Variants in LANCL2 observed in about 807,000 individuals in gnomAD.
The protein encoded by LANCL2 is lanC-like protein 2.
LANCL2 carries 33 observed loss-of-function variants against 56.9 expected under a neutral mutation model. That is an observed-to-expected ratio of 0.58 (90% CI 0.44 to 0.78). The LOEUF is 0.78. Ranked by LOEUF, LANCL2 falls within the 30% of genes least tolerant of loss-of-function variation. LANCL2 has a pLI of 0.00. For synonymous variants in LANCL2, 233 were observed against 228.2 expected (o/e 1.02, Z -0.19); for missense variants, 562 against 580.2 (o/e 0.97, Z 0.32).
intron 5 of LANCL2, among the ~76,000 whole-genome samples, chr7:55,407,705 A>G (rs901194680): frequency 2.0e-5 from 3 of 152,238 alleles, no homozygotes; most frequent in Admixed American, 2.0e-4. Flanking sequence ...CTCTGCTTTC[A>G]GACTCCAGCT....
chr7:55,427,656 G>A (rs946308841), intron 7 of LANCL2, among the ~76,000 whole-genome samples: 7 of 152,226 alleles, frequency 4.6e-5, no homozygotes, highest in African/African-American at 1.7e-4. Flanking sequence ...AGCAGATTGG[G>A]AGGGGAAAAG....
chr7:55,373,859 G>A (rs112376028), intron 1 of LANCL2, among the ~76,000 whole-genome samples: 60 of 152,332 alleles, frequency 3.9e-4, no homozygotes, highest in African/African-American at 1.4e-3. Context: ...TGGGTGAGGA[G>A]TGTGCTTTGT....
intron 7 of LANCL2, among the ~76,000 whole-genome samples, chr7:55,426,357 G>A (rs911985249): frequency 5.3e-5 from 8 of 152,230 alleles, no homozygotes; most frequent in Admixed American, 4.6e-4. Flanking sequence ...TTTTTATTAT[G>A]TACACATTTC....
rs1789852821 is a variant in LANCL2 at position 55,365,809 on chromosome 7, G to C, written c.-217G>C. 2.3e-6 allele frequency: 1 copy of C among 435,458 alleles called. No individual in the cohort carries two copies. The highest frequency in any genetic ancestry group is 4.1e-6 in the Non-Finnish European group (1 of 245,774). 27.0% of individuals were successfully genotyped at this position (435,458 alleles called of 1,614,324 possible). On this transcript the variant is annotated 5_prime_UTR_variant, in exon 1 of 9. Transcript: ENST00000254770. Reference sequence around the variant, plus strand: ...GGGCAAAGGCGCCAGGAACAGGGCAGAGGCACAGCGCCCACCGCCTCTGCG... The same window carrying C: ...GGGCAAAGGCGCCAGGAACAGGGCACAGGCACAGCGCCCACCGCCTCTGCG...
intron 1 of LANCL2, among the ~76,000 whole-genome samples, chr7:55,387,223 C>T (rs1790135326): frequency 6.6e-6 from 1 of 152,096 alleles, no homozygotes; most frequent in Non-Finnish European, 1.5e-5. Context: ...CAGGGGAACA[C>T]ATGACTCATA....
At chr7:55,415,040 A>T (rs116580965) in intron 6 of LANCL2, among the ~76,000 whole-genome samples, 1,766 of 151,590 alleles carry the variant, frequency 0.012, 38 homozygotes, top group African/African-American at 0.041. Flanking sequence ...ACAATATTCT[A>T]CATTGTATTA....
At chr7:55,413,771 C>G (rs1183496568) in intron 6 of LANCL2, among the ~76,000 whole-genome samples, 2 of 152,200 alleles carry the variant, frequency 1.3e-5, no homozygotes, top group Non-Finnish European at 2.9e-5. Context: ...AGCATAGAGC[C>G]AAAGATGTCA....
At position 55,391,516 on chromosome 7, in the gene LANCL2, C is replaced by T. The variant is rs78887718; in HGVS notation, c.205-277C>T. ...GTTGAAATGTTTATATAGTTAAATC[C>T]ATCCATTTTTCCTTTTTTTTTTAAT... On this transcript the variant is annotated intron_variant, in intron 1 of 8. Coordinates refer to ENST00000254770, the MANE Select transcript of LANCL2 (RefSeq NM_018697.4). 4.4e-3 allele frequency among the ~76,000 whole-genome samples: 613 copies of T among 140,506 alleles called. 4 individuals carry two copies. The highest frequency in any genetic ancestry group is 0.015 in the African/African-American group (549 of 36,550). 92.2% of individuals were successfully genotyped at this position (140,506 alleles called of 152,430 possible). A position where few individuals can be genotyped will look rare whatever the true frequency, so the allele number is the denominator to read the frequency against.
intron 3 of LANCL2, among the ~76,000 whole-genome samples, chr7:55,399,053 C>T (rs1376274617): frequency 6.6e-6 from 1 of 152,108 alleles, no homozygotes; most frequent in Admixed American, 6.5e-5. Context: ...GCAGAAATCA[C>T]GGTTCATTCC....
At chr7:55,373,549 C>G (rs1250075063) in intron 1 of LANCL2, among the ~76,000 whole-genome samples, 1 of 152,116 alleles carries the variant, frequency 6.6e-6, no homozygotes, top group Non-Finnish European at 1.5e-5. Flanking sequence ...CCTGTCCTGC[C>G]TCAGCTTCCC....
chr7:55,428,958 C>T (rs1201448938), intron 8 of LANCL2, among the ~76,000 whole-genome samples: 2 of 152,174 alleles, frequency 1.3e-5, no homozygotes, highest in African/African-American at 4.8e-5. Context: ...ATTCCAGAGT[C>T]CACCACGGGC....
At chr7:55,394,684 C>T (rs929799060) in intron 2 of LANCL2, among the ~76,000 whole-genome samples, 5 of 152,156 alleles carry the variant, frequency 3.3e-5, no homozygotes, top group Non-Finnish European at 7.3e-5. Context: ...GTGTGGAGAG[C>T]CATGGTGTGC....
At chr7:55,396,599 G>T (rs760532717) in intron 2 of LANCL2, among the ~76,000 whole-genome samples, 2 of 152,214 alleles carry the variant, frequency 1.3e-5, no homozygotes, top group African/African-American at 4.8e-5. Flanking sequence ...GCTCACAGGC[G>T]CGTGCTCCCC....
chr7:55,416,969 GTTTTTTTT>G (rs869116156), intron 6 of LANCL2, among the ~76,000 whole-genome samples: 5 of 81,644 alleles, frequency 6.1e-5, no homozygotes, highest in Admixed American at 4.4e-4. Context: ...AAACGAGGTG[GTTTTTTTT>G]TTTTTTTTTT....
At chr7:55,428,661 G>GT (rs1042444531) in intron 8 of LANCL2, among the ~76,000 whole-genome samples, 1 of 152,230 alleles carries the variant, frequency 6.6e-6, no homozygotes, top group South Asian at 2.1e-4. Context: ...GTGTTCTTAG[G>GT]TTTTTTGTGA....
intron 1 of LANCL2, among the ~76,000 whole-genome samples, chr7:55,386,797 A>G (rs189900430): frequency 2.6e-5 from 4 of 152,210 alleles, no homozygotes; most frequent in Admixed American, 1.3e-4. Flanking sequence ...AGCTGGCCCT[A>G]CTAGGATTGT....
chr7:55,397,303 A>G (rs930700364), intron 2 of LANCL2: 1 of 152,124 alleles, frequency 6.6e-6, no homozygotes, highest in South Asian at 2.1e-4. Flanking sequence ...TCTACTGAAA[A>G]TACAAAAAAT....
At chr7:55,404,352 A>G (rs73346406) in intron 5 of LANCL2, among the ~76,000 whole-genome samples, 2,752 of 152,190 alleles carry the variant, frequency 0.018, 80 homozygotes, top group African/African-American at 0.061. Context: ...TATTCTGCAA[A>G]ACTACAAAAC....
At chr7:55,406,627 T>C (rs1469886314) in intron 5 of LANCL2, among the ~76,000 whole-genome samples, 1 of 152,166 alleles carries the variant, frequency 6.6e-6, no homozygotes, top group Non-Finnish European at 1.5e-5. Context: ...TTATTTCTCA[T>C]TGTCTAGTAG....
Sources: gnomAD v4.1 joint callset for allele counts (sites outside exome capture counted in the v4.1 genomes callset) on GRCh38, gnomAD v4.1.1 for gene constraint, MANE v1.5 for transcripts, NCBI Gene and HGNC (gene_info 2026-07-23, HGNC 2026-07-21) for gene names.